Variants in WWOX observed in about 807,000 individuals in gnomAD.
The protein encoded by WWOX is WW domain containing oxidoreductase.
Under a neutral mutation model 46.2 loss-of-function variants are expected in WWOX, and 69 were observed. The observed-to-expected ratio is 1.49, with a 90% CI of 1.23 to 1.82. WWOX has a LOEUF of 1.82. Ranked by LOEUF, WWOX falls within the 40% of genes most tolerant of loss-of-function variation. WWOX has a pLI of 0.00. For synonymous variants in WWOX, 359 were observed against 202.6 expected (o/e 1.77, Z -6.56); for missense variants, 919 against 542.6 (o/e 1.69, Z -6.89).
At chr16:78,963,633 GT>G (rs1250029718) in intron 8 of WWOX, among the ~76,000 whole-genome samples, 4 of 152,142 alleles carry the variant, frequency 2.6e-5, no homozygotes, top group Non-Finnish European at 4.4e-5. Context: ...AATAATTAAG[GT>G]GATGTCATGA....
chr16:79,146,456 G>A (rs2050184687), intron 8 of WWOX, among the ~76,000 whole-genome samples: 1 of 152,146 alleles, frequency 6.6e-6, no homozygotes, highest in South Asian at 2.1e-4. Context: ...GACCTGGGCA[G>A]CGTAGTAGAA....
At chr16:78,282,812 A>G (rs2079702591) in intron 5 of WWOX, among the ~76,000 whole-genome samples, 1 of 132,122 alleles carries the variant, frequency 7.6e-6, no homozygotes, top group Non-Finnish European at 1.5e-5. Flanking sequence ...TCGGAGGTGG[A>G]GGTTGCAGTG....
intron 5 of WWOX, among the ~76,000 whole-genome samples, chr16:78,377,713 C>A (rs904741198): frequency 2.0e-5 from 3 of 152,118 alleles, no homozygotes; most frequent in Non-Finnish European, 4.4e-5. Context: ...TAGTTTCTGG[C>A]AGGATAAGCA....
chr16:78,963,058 C>T (rs1264262133), intron 8 of WWOX, among the ~76,000 whole-genome samples: 1 of 152,184 alleles, frequency 6.6e-6, no homozygotes, highest in East Asian at 1.9e-4. Context: ...AAGAATTGTA[C>T]TGTAAGTACT....
At chr16:78,971,230 G>T (rs146405142) in intron 8 of WWOX, among the ~76,000 whole-genome samples, 2 of 151,922 alleles carry the variant, frequency 1.3e-5, no homozygotes, top group African/African-American at 4.8e-5. Flanking sequence ...AGAGGCTGAG[G>T]CGGGAAGATC....
At position 78,842,856 on chromosome 16, in the gene WWOX, T is replaced by G. The variant is rs191848395; in HGVS notation, c.1057-368752T>G. Among the ~76,000 whole-genome samples the G allele has an allele frequency of 6.2e-4, 87 of 141,264 alleles. 1 individual carries two copies. The highest frequency in any genetic ancestry group is 2.1e-3 in the African/African-American group (85 of 40,612). 92.7% of individuals were successfully genotyped at this position (141,264 alleles called of 152,430 possible). A position where few individuals can be genotyped will look rare whatever the true frequency, so the allele number is the denominator to read the frequency against. On this transcript the variant is annotated intron_variant, in intron 8 of 8. Coordinates refer to ENST00000566780, the MANE Select transcript of WWOX (RefSeq NM_016373.4). ...TGACAGAGTGAGACCCTATCTCAAA[T>G]AAAAATAAAAATAGAATACAAGGGG...
At chr16:79,132,177 C>T (rs980167144) in intron 8 of WWOX, among the ~76,000 whole-genome samples, 7 of 151,086 alleles carry the variant, frequency 4.6e-5, no homozygotes, top group African/African-American at 7.4e-5. Flanking sequence ...CCCCTTCCTA[C>T]GTCCTACATC....
chr16:79,155,824 A>G (rs2050370661), intron 8 of WWOX, among the ~76,000 whole-genome samples: 2 of 152,030 alleles, frequency 1.3e-5, no homozygotes, highest in African/African-American at 4.8e-5. Flanking sequence ...AGTGGTGCCT[A>G]GCATGGTGTC....
chr16:78,193,129 A>G (rs1049915749), intron 5 of WWOX, among the ~76,000 whole-genome samples: 3 of 152,218 alleles, frequency 2.0e-5, no homozygotes, highest in African/African-American at 7.2e-5. Context: ...GCTTCTGTTC[A>G]TACATTGTTG....
chr16:79,185,969 T>C (rs1485545316), intron 8 of WWOX, among the ~76,000 whole-genome samples: 2 of 150,686 alleles, frequency 1.3e-5, no homozygotes, highest in Non-Finnish European at 3.0e-5. Context: ...TGTGCATGCG[T>C]GTGTGTGTGT....
chr16:79,056,202 G>A (rs138624331), intron 8 of WWOX, among the ~76,000 whole-genome samples: 14 of 132,858 alleles, frequency 1.1e-4, no homozygotes, highest in African/African-American at 3.3e-4. Context: ...TAAGTAATAG[G>A]CTGTCACTAG....
chr16:78,403,178 C>T (rs537184488), intron 6 of WWOX, among the ~76,000 whole-genome samples: 54 of 152,310 alleles, frequency 3.5e-4, no homozygotes, highest in African/African-American at 1.2e-3. Flanking sequence ...TGACCACGTG[C>T]TTAAGCACAT....
At chr16:78,175,882 T>G (rs1461929824) in intron 5 of WWOX, among the ~76,000 whole-genome samples, 2 of 152,202 alleles carry the variant, frequency 1.3e-5, no homozygotes, top group African/African-American at 2.4e-5. Context: ...CAGTGAGTTC[T>G]AAGGATAAGA....
At chr16:78,186,991 T>G (rs535937659) in intron 5 of WWOX, among the ~76,000 whole-genome samples, 3 of 152,282 alleles carry the variant, frequency 2.0e-5, no homozygotes, top group Non-Finnish European at 4.4e-5. Context: ...CATGTACTCA[T>G]TTGTGTGCGG....
chr16:79,124,781 A>G (rs923910231), intron 8 of WWOX, among the ~76,000 whole-genome samples: 1 of 152,208 alleles, frequency 6.6e-6, no homozygotes. Flanking sequence ...AAAGTGTGCA[A>G]TTTTGCAAGC....
At chr16:79,108,806 C>T (rs1281783472) in intron 8 of WWOX, among the ~76,000 whole-genome samples, 1 of 151,956 alleles carries the variant, frequency 6.6e-6, no homozygotes, top group South Asian at 2.1e-4. Context: ...GAGGCTGTGG[C>T]CTGAGGACTG....
intron 5 of WWOX, among the ~76,000 whole-genome samples, chr16:78,347,949 G>A (rs1289172087): frequency 8.2e-6 from 1 of 122,348 alleles, no homozygotes; most frequent in East Asian, 1.9e-4. Context: ...CGGTATGAAG[G>A]CTCGCCTGAA....
At chr16:78,380,648 A>G (rs541877949) in intron 5 of WWOX, among the ~76,000 whole-genome samples, 1 of 152,284 alleles carries the variant, frequency 6.6e-6, no homozygotes, top group African/African-American at 2.4e-5. Flanking sequence ...ATAAGGATCT[A>G]GAGTTATGAA....
At chr16:78,611,911 A>G (rs1401138116) in intron 8 of WWOX, among the ~76,000 whole-genome samples, 2 of 152,222 alleles carry the variant, frequency 1.3e-5, no homozygotes, top group African/African-American at 4.8e-5. Flanking sequence ...CAAATCATGT[A>G]TACAAGCCAG....
Sources: gnomAD v4.1 joint callset for allele counts (sites outside exome capture counted in the v4.1 genomes callset) on GRCh38, gnomAD v4.1.1 for gene constraint, MANE v1.5 for transcripts, NCBI Gene and HGNC (gene_info 2026-07-23, HGNC 2026-07-21) for gene names.